CDH13: variants seen among roughly 807,000 people sequenced by gnomAD.
CDH13 encodes cadherin 13, also known as cadherin-13.
In CDH13, 24 loss-of-function variants were observed where a neutral mutation model predicts 63.8. That is an observed-to-expected ratio of 0.38 (90% CI 0.27 to 0.53). The LOEUF (loss-of-function observed/expected upper bound fraction) is 0.53, where lower values mean the gene tolerates loss of function less well. Ranked by LOEUF, CDH13 falls within the 20% of genes least tolerant of loss-of-function variation. The pLI is 0.85. For synonymous variants in CDH13, 503 were observed against 355.3 expected, an observed-to-expected ratio of 1.42 and a Z score of -4.67; for missense variants, 1,049 against 903.1, an observed-to-expected ratio of 1.16 and a Z score of -2.07.
rs574962561 is a variant in CDH13, at chr16:82,761,985, C to G, written c.46-96377C>G. Reference sequence around the variant, plus strand: ...CATTAAAGGCACAAAAGCTAAAAGACAAAGAGAAATGGCAATTTAAGCACT... The same window carrying G: ...CATTAAAGGCACAAAAGCTAAAAGAGAAAGAGAAATGGCAATTTAAGCACT... On this transcript the variant is annotated intron_variant, in intron 1 of 13. Coordinates refer to ENST00000567109, the MANE Select transcript of CDH13 (RefSeq NM_001257.5). Among the ~76,000 whole-genome samples the G allele has an allele frequency of 2.1e-3, 314 of 152,254 alleles. 1 individual carries two copies. The highest frequency in any genetic ancestry group is 7.3e-3 in the African/African-American group (304 of 41,552).
intron 1 of CDH13, among the ~76,000 whole-genome samples, chr16:82,676,282 A>G (rs1913888802): frequency 6.6e-6 from 1 of 152,048 alleles, no homozygotes; most frequent in South Asian, 2.1e-4. Context: ...ACGTTTTCCA[A>G]TTTAGTGTGT....
intron 7 of CDH13, among the ~76,000 whole-genome samples, chr16:83,494,985 A>C (rs372890898): frequency 1.3e-5 from 2 of 152,182 alleles, no homozygotes; most frequent in Admixed American, 6.5e-5. Flanking sequence ...AGGTCAGGAA[A>C]CTTTTTTTTT....
intron 2 of CDH13, chr16:82,859,042 A>G (rs2039820811): frequency 1.3e-5 from 2 of 152,744 alleles, no homozygotes; most frequent in Admixed American, 6.5e-5. Flanking sequence ...TAAAATATGC[A>G]TCTTTCATAT....
intron 3 of CDH13, among the ~76,000 whole-genome samples, chr16:83,116,724 TAACA>T (rs2035317518): frequency 6.6e-6 from 1 of 152,222 alleles, no homozygotes; most frequent in African/African-American, 2.4e-5. Context: ...GTAAATTTCC[TAACA>T]ATCACTGTGT....
At chr16:83,317,124 A>T (rs1238034708) in intron 5 of CDH13, among the ~76,000 whole-genome samples, 1 of 152,216 alleles carries the variant, frequency 6.6e-6, no homozygotes, top group Non-Finnish European at 1.5e-5. Context: ...GAAACATCCT[A>T]CAATGCCCAG....
chr16:83,211,745 G>C (rs1337482159), intron 4 of CDH13, among the ~76,000 whole-genome samples: 1 of 146,652 alleles, frequency 6.8e-6, no homozygotes, highest in African/African-American at 2.8e-5. Flanking sequence ...TCCCAGCTAT[G>C]CGACGCCCAC....
intron 1 of CDH13, among the ~76,000 whole-genome samples, chr16:82,685,218 G>A (rs1234287862): frequency 6.6e-6 from 1 of 152,170 alleles, no homozygotes; most frequent in Non-Finnish European, 1.5e-5. Context: ...AACAATGAAT[G>A]CTCATTTCAC....
At chr16:83,142,315 C>T (rs1009726842) in intron 4 of CDH13, among the ~76,000 whole-genome samples, 1 of 151,948 alleles carries the variant, frequency 6.6e-6, no homozygotes, top group Admixed American at 6.6e-5. Context: ...TGTGTGCCCC[C>T]ACACCTGGCT....
At chr16:83,259,413 G>C (rs1906690596) in intron 5 of CDH13, among the ~76,000 whole-genome samples, 1 of 152,124 alleles carries the variant, frequency 6.6e-6, no homozygotes, top group Admixed American at 6.5e-5. Context: ...GGGGAGAACA[G>C]CCCCTCAGGT....
chr16:83,774,369 C>A (rs1380504496), intron 11 of CDH13, among the ~76,000 whole-genome samples: 5 of 151,942 alleles, frequency 3.3e-5, no homozygotes, highest in Admixed American at 6.6e-5. Flanking sequence ...TAGTCAAATG[C>A]CATTTCTTTT....
intron 1 of CDH13, among the ~76,000 whole-genome samples, chr16:82,750,343 C>G (rs2034358843): frequency 6.6e-6 from 1 of 152,180 alleles, no homozygotes; most frequent in Non-Finnish European, 1.5e-5. Context: ...TTTGGAAAGT[C>G]AACCTCAGAG....
chr16:82,958,410 G>A (rs1010661266), intron 2 of CDH13, among the ~76,000 whole-genome samples: 31 of 152,266 alleles, frequency 2.0e-4, no homozygotes, highest in African/African-American at 7.0e-4. Flanking sequence ...AAATTTAGAA[G>A]GCATAATGGA....
chr16:83,051,168 C>T lies in CDH13; in HGVS notation c.366+18950C>T, dbSNP rs185215636. Among the ~76,000 whole-genome samples the T allele has an allele frequency of 5.9e-5, 9 of 152,330 alleles. No homozygotes were observed. The South Asian group carries it at 1.7e-3, about 28-fold the overall frequency. On this transcript the variant is annotated intron_variant, in intron 3 of 13. Transcript: ENST00000567109. ...CCCTCTTCAAAGGCTGTCAGTCTTC[C>T]CATGCTTACTGAGCCACAACGAAAT...
At chr16:83,511,190 G>A (rs995326789) in intron 7 of CDH13, among the ~76,000 whole-genome samples, 9 of 152,204 alleles carry the variant, frequency 5.9e-5, no homozygotes, top group Non-Finnish European at 1.3e-4. Context: ...GGCCGGGTGC[G>A]GTGGCTCACA....
chr16:83,446,020 C>A lies in CDH13; in HGVS notation c.782-40457C>A, dbSNP rs143218314. ...GGGTATAGAAAAACATGAGGAAGGT[C>A]AGGTGCTGTGGCTCAGGTCTGTAAT... On this transcript the variant is annotated intron_variant, in intron 6 of 13. Transcript: ENST00000567109. Among the ~76,000 whole-genome samples the A allele has an allele frequency of 1.8e-3, 272 of 152,196 alleles. 1 individual carries two copies. The highest frequency in any genetic ancestry group is 6.2e-3 in the African/African-American group (257 of 41,524).
rs1053155039 is a variant in CDH13, at chr16:83,623,338, C to T, written c.1101+20744C>T. Among the ~76,000 whole-genome samples the T allele has an allele frequency of 4.6e-5, 7 of 152,110 alleles. 1 individual carries two copies. The highest frequency in any genetic ancestry group is 1.7e-4 in the African/African-American group (7 of 41,438). On this transcript the variant is annotated intron_variant, in intron 8 of 13. Transcript: ENST00000567109. ...CGGGCTCTCTTTTCTTTCACTTGGG[C>T]CCTTTCAGCGCCTTGTTTCTCCCTG...
chr16:83,581,796 G>A (rs894633437), intron 7 of CDH13, among the ~76,000 whole-genome samples: 1 of 152,150 alleles, frequency 6.6e-6, no homozygotes, highest in African/African-American at 2.4e-5. Flanking sequence ...TCCAGCCTGG[G>A]TAACAGAGCA....
At chr16:83,362,709 T>C (rs2091185072) in intron 6 of CDH13, among the ~76,000 whole-genome samples, 1 of 152,210 alleles carries the variant, frequency 6.6e-6, no homozygotes, top group Admixed American at 6.5e-5. Context: ...ATACTGCATT[T>C]CCTCTGTCTC....
intron 2 of CDH13, among the ~76,000 whole-genome samples, chr16:83,022,824 G>C (rs1289542706): frequency 6.6e-6 from 1 of 152,178 alleles, no homozygotes; most frequent in Non-Finnish European, 1.5e-5. Context: ...ACCCATATAA[G>C]ATGTGAGTGT....
Sources: allele counts gnomAD v4.1 joint callset (sites outside exome capture counted in the v4.1 genomes callset), GRCh38; gene constraint gnomAD v4.1.1; transcripts MANE v1.5; gene names NCBI Gene and HGNC (gene_info 2026-07-23, HGNC 2026-07-21).